ASTN2: variants seen among roughly 807,000 people sequenced by gnomAD.
ASTN2 encodes the protein astrotactin-2.
ASTN2 carries 54 observed loss-of-function variants against 139.8 expected under a neutral mutation model. That is an observed-to-expected ratio of 0.39 (90% CI 0.31 to 0.48). ASTN2 has a LOEUF of 0.48. Among genes scored for constraint, ASTN2 ranks in the 20% least tolerant of loss-of-function variants. The probability of loss-of-function intolerance (pLI) is 0.95; values close to 1 mark genes in which losing one functional copy is unlikely to be tolerated. For missense variants in ASTN2, 1,565 were observed against 1,725.1 expected, an observed-to-expected ratio of 0.91 and a Z score of 1.64; for synonymous variants, 756 against 719.5, an observed-to-expected ratio of 1.05 and a Z score of -0.81.
intron 5 of ASTN2, among the ~76,000 whole-genome samples, chr9:117,054,347 T>A (rs912169999): frequency 6.6e-6 from 1 of 152,158 alleles, no homozygotes; most frequent in African/African-American, 2.4e-5. Context: ...CTGGAGCAAA[T>A]CCCTTCCCCT....
intron 4 of ASTN2, among the ~76,000 whole-genome samples, chr9:117,126,120 TTAG>T (rs1350461827): frequency 6.6e-6 from 1 of 152,110 alleles, no homozygotes; most frequent in Non-Finnish European, 1.5e-5. Context: ...TTAATAATAA[TTAG>T]GTCAGAAAAT....
At chr9:116,461,834 A>G (rs1273665033) in intron 20 of ASTN2, among the ~76,000 whole-genome samples, 2 of 152,168 alleles carry the variant, frequency 1.3e-5, no homozygotes, top group Non-Finnish European at 2.9e-5. Flanking sequence ...TTAACTCAGC[A>G]TAGCTTAGCC....
intron 1 of ASTN2, among the ~76,000 whole-genome samples, chr9:117,326,706 T>C (rs529857651): frequency 3.9e-5 from 6 of 152,228 alleles, no homozygotes; most frequent in East Asian, 1.9e-4. Flanking sequence ...GAAACTGATA[T>C]GTGGAAAGGC....
intron 22 of ASTN2, among the ~76,000 whole-genome samples, chr9:116,434,832 C>T (rs1245881392): frequency 6.6e-6 from 1 of 152,140 alleles, no homozygotes; most frequent in South Asian, 2.1e-4. Context: ...GTCGTAAGAA[C>T]CAGGCTCTGG....
intron 16 of ASTN2, among the ~76,000 whole-genome samples, chr9:116,707,285 CAAAAAAAAAAAA>C (rs766053427): frequency 2.0e-4 from 12 of 60,628 alleles, no homozygotes; most frequent in African/African-American, 5.1e-4. Flanking sequence ...GCCCCCTGAC[CAAAAAAAAAAAA>C]AAAAAAAAAA....
chr9:117,224,455 G>C (rs1832635570), intron 2 of ASTN2, among the ~76,000 whole-genome samples: 2 of 152,116 alleles, frequency 1.3e-5, no homozygotes, highest in Admixed American at 1.3e-4. Context: ...TATACAATCA[G>C]ATATTCTCTA....
At chr9:117,207,249 C>T (rs1017976520) in intron 3 of ASTN2, among the ~76,000 whole-genome samples, 2 of 152,112 alleles carry the variant, frequency 1.3e-5, no homozygotes, top group Admixed American at 1.3e-4. Flanking sequence ...ATGGCCATGT[C>T]CCAGGTCCAA....
At chr9:116,948,005 C>T (rs917124583) in intron 10 of ASTN2, among the ~76,000 whole-genome samples, 2 of 152,190 alleles carry the variant, frequency 1.3e-5, no homozygotes, top group African/African-American at 4.8e-5. Context: ...GACCAGCAAC[C>T]CTTTTCAATT....
In ASTN2 at chr9:117,291,409, G is replaced by A. The variant is rs757842964; in HGVS notation, c.547C>T (p.Leu183=). 12 of 1,614,222 alleles carry A rather than the reference G, an allele frequency of 7.4e-6. No homozygotes were observed. Among genetic ancestry groups the A allele is most frequent in the Admixed American group, 6.7e-5 (4 of 60,030 alleles). ...AGAGTGGGGGCGGTGGCTTGGGCCA[G>A]CTGCCCGGAGCTGCTCATGGAGACG... ...FHVSMSSSGQ[L]AQATAPTLQE... The change falls in exon 2 of 23, where the codon CTG becomes TTG. Residue 183 remains leucine, a synonymous_variant. Transcript: ENST00000313400.
intron 11 of ASTN2, among the ~76,000 whole-genome samples, chr9:116,861,663 G>A (rs1402536428): frequency 6.6e-6 from 1 of 152,202 alleles, no homozygotes; most frequent in Non-Finnish European, 1.5e-5. Flanking sequence ...GCCTCCTGGT[G>A]CAAGCTCCAA....
chr9:117,332,715 C>T (rs747124059), intron 1 of ASTN2, among the ~76,000 whole-genome samples: 11 of 152,118 alleles, frequency 7.2e-5, no homozygotes, highest in African/African-American at 1.2e-4. Context: ...TGTATATAAC[C>T]GTACTATTCA....
At chr9:116,959,385 C>T (rs143605111) in intron 10 of ASTN2, among the ~76,000 whole-genome samples, 1,531 of 152,212 alleles carry the variant, frequency 0.01, 30 homozygotes, top group African/African-American at 0.029. Context: ...AGAAGCAGGG[C>T]TGAGTCCTCA....
chr9:116,457,333 A>G (rs1305350745), intron 20 of ASTN2, among the ~76,000 whole-genome samples: 1 of 152,198 alleles, frequency 6.6e-6, no homozygotes, highest in Non-Finnish European at 1.5e-5. Flanking sequence ...ATAGGCAACC[A>G]AAGAAAAAAA....
At chr9:117,017,471 A>C (rs1438210120) in intron 6 of ASTN2, among the ~76,000 whole-genome samples, 2 of 152,178 alleles carry the variant, frequency 1.3e-5, no homozygotes, top group Non-Finnish European at 2.9e-5. Flanking sequence ...CTTAGATGGA[A>C]ACTTTGATAG....
rs57428022 is a variant in ASTN2, at chr9:117,374,369, T to TA, written c.442+40127dup. Among the ~76,000 whole-genome samples, 648 of 87,238 alleles carry TA rather than the reference T, an allele frequency of 7.4e-3. 6 individuals are homozygous for TA. The highest frequency in any genetic ancestry group is 0.013 in the African/African-American group (228 of 18,080). The allele number at this position is 87,238 out of a possible 152,430, so 57.2% of individuals were successfully genotyped here. A position where few individuals can be genotyped will look rare whatever the true frequency, so the allele number is the denominator to read the frequency against. ...TTATGAGGCTGCATAAGGGCAGGGT[T>TA]AAAAAAAAAAAAAAAAAAAAAAAAG... On this transcript the variant is annotated intron_variant, in intron 1 of 22. Transcript: ENST00000313400.
chr9:117,401,432 G>A (rs754590714), intron 1 of ASTN2, among the ~76,000 whole-genome samples: 4 of 152,164 alleles, frequency 2.6e-5, no homozygotes, highest in South Asian at 2.1e-4. Flanking sequence ...GGAGGAAATG[G>A]TAGAAGGCAA....
chr9:116,701,028 C>T (rs893399131), intron 16 of ASTN2: 5 of 167,036 alleles, frequency 3.0e-5, no homozygotes, highest in Non-Finnish European at 7.3e-5. Flanking sequence ...TTACAGTTCA[C>T]AAAAAGGAAG....
intron 13 of ASTN2, among the ~76,000 whole-genome samples, chr9:116,791,566 T>C (rs1021835710): frequency 6.6e-6 from 1 of 152,218 alleles, no homozygotes; most frequent in Non-Finnish European, 1.5e-5. Flanking sequence ...GAGAACAAAC[T>C]GCCTGGAGTC....
At chr9:117,117,976 TA>T (rs1324090061) in intron 4 of ASTN2, among the ~76,000 whole-genome samples, 1 of 151,842 alleles carries the variant, frequency 6.6e-6, no homozygotes, top group Non-Finnish European at 1.5e-5. Flanking sequence ...ACCGTTATAT[TA>T]AAAAAATAAA....
Sources: allele counts gnomAD v4.1 joint callset (sites outside exome capture counted in the v4.1 genomes callset), GRCh38; gene constraint gnomAD v4.1.1; transcripts MANE v1.5; gene names NCBI Gene and HGNC (gene_info 2026-07-23, HGNC 2026-07-21).